The following GRAMD1B variants were observed in gnomAD, a reference collection of about 807,000 sequenced individuals.
The protein encoded by GRAMD1B is GRAM domain containing 1B, also known as protein Aster-B.
Under a neutral mutation model 99.7 loss-of-function variants are expected in GRAMD1B, and 37 were observed. That is an observed-to-expected ratio of 0.37 (90% confidence interval 0.29 to 0.49). GRAMD1B has a LOEUF of 0.49. GRAMD1B is among the 20% of genes least tolerant of loss of function. The pLI is 0.98. For missense variants in GRAMD1B, 888 were observed against 1,009.2 expected, an observed-to-expected ratio of 0.88 and a Z score of 1.63; for synonymous variants, 427 against 387.6, an observed-to-expected ratio of 1.10 and a Z score of -1.19.
chr11:123,459,107 A>G (rs987694525), intron 1 of GRAMD1B: 3 of 151,760 alleles, frequency 2.0e-5, no homozygotes, highest in Non-Finnish European at 2.9e-5. Context: ...ATGACAAAGA[A>G]CATGCACTGC....
intron 3 of GRAMD1B, among the ~76,000 whole-genome samples, chr11:123,577,985 C>T (rs1242805491): frequency 6.6e-6 from 1 of 152,074 alleles, no homozygotes; most frequent in Non-Finnish European, 1.5e-5. Context: ...TATTTTTAAC[C>T]TCCTCCCCGG....
At chr11:123,486,930 G>A (rs1937881076) in intron 2 of GRAMD1B, among the ~76,000 whole-genome samples, 1 of 152,014 alleles carries the variant, frequency 6.6e-6, no homozygotes, top group African/African-American at 2.4e-5. Flanking sequence ...TTAGCTGGGT[G>A]TGGTGGTGTG....
At chr11:123,598,487 A>G in intron 7 of GRAMD1B, 2 of 1,196,490 alleles carry the variant, frequency 1.7e-6, no homozygotes, top group East Asian at 2.3e-5. Context: ...GGGCTTCTAG[A>G]AAAGCAATGT....
rs377415119 is a variant in GRAMD1B at position 123,476,188 on chromosome 11, C to T, written c.375-4628C>T. ...CGATCTTGGCTCACTGCAACCTCCA[C>T]CTCCCAGGTTCAAGTGATTCTCCTG... is the stretch of plus-strand genomic sequence containing the variant. On this transcript the variant is annotated intron_variant, in intron 1 of 19. Coordinates refer to ENST00000635736, the MANE Select transcript of GRAMD1B (RefSeq NM_001387025.1). Among the ~76,000 whole-genome samples, 289 of 152,118 alleles carry T rather than the reference C, an allele frequency of 1.9e-3. 1 individual carries two copies. Among genetic ancestry groups the T allele is most frequent in the African/African-American group, 6.7e-3 (279 of 41,492 alleles).
chr11:123,544,609 T>TCCCTGG lies in GRAMD1B; in HGVS notation c.453-32758_453-32757insCCCTGG, dbSNP rs1410137421. On this transcript the variant is annotated intron_variant, in intron 2 of 19. Coordinates refer to ENST00000635736, the MANE Select transcript of GRAMD1B (RefSeq NM_001387025.1). The stretch of plus-strand genomic sequence containing the variant: ...GCTAACTCTCCCTGGGAGGAAAACT[T>TCCCTGG]GAGATGCACAGGAGGTCCTGGGTTC... Among the ~76,000 whole-genome samples, 5 of 152,142 alleles carry TCCCTGG rather than the reference T, an allele frequency of 3.3e-5. No individual in the cohort carries two copies. In the East Asian group the frequency reaches 9.7e-4, roughly 29 times the overall value.
chr11:123,425,234 G>T (rs1745931449), intron 1 of GRAMD1B, among the ~76,000 whole-genome samples: 1 of 152,202 alleles, frequency 6.6e-6, no homozygotes, highest in Admixed American at 6.5e-5. Flanking sequence ...TCAATCACTA[G>T]TCGGTAGTTA....
rs562495737 is a variant in GRAMD1B, at chr11:123,592,930, T to A, written c.685-1152T>A. On this transcript the variant is annotated intron_variant, in intron 4 of 19. Coordinates refer to ENST00000635736, the MANE Select transcript of GRAMD1B (RefSeq NM_001387025.1). ...TTTCTTTTTTATTTTATTTTTTAAA[T>A]TTAAGATTGTAAGCCCTCGGGTCGG... Among the ~76,000 whole-genome samples, 14 of 152,250 alleles carry A rather than the reference T, an allele frequency of 9.2e-5. No homozygotes were observed. In the East Asian group the frequency reaches 2.7e-3, roughly 29 times the overall value.
chr11:123,548,603 T>C (rs1041405718), intron 2 of GRAMD1B, among the ~76,000 whole-genome samples: 8 of 151,100 alleles, frequency 5.3e-5, no homozygotes, highest in Non-Finnish European at 1.2e-4. Flanking sequence ...TGAAAATTAA[T>C]TGAATGCTTG....
intron 1 of GRAMD1B, among the ~76,000 whole-genome samples, chr11:123,375,283 C>T (rs1017904492): frequency 5.3e-5 from 8 of 152,132 alleles, no homozygotes; most frequent in South Asian, 4.1e-4. Context: ...AATCAACCAG[C>T]GTGGTGGCTC....
At position 123,381,866 on chromosome 11, in the gene GRAMD1B, G is replaced by A. The variant is rs552030387; in HGVS notation, c.-176+23067G>A. Among the ~76,000 whole-genome samples the A allele has an allele frequency of 9.8e-5, 15 of 152,288 alleles. No individual in the cohort carries two copies. The East Asian group carries it at 2.9e-3, about 29-fold the overall frequency. On this transcript the variant is annotated intron_variant, in intron 1 of 20. Transcript: ENST00000638157. The stretch of plus-strand genomic sequence containing the variant: ...GCTCAGACAGCAAGAGTGAGGTGGC[G>A]ACTAGCCTGAAGTCAGCCAGCTAGG...
intron 1 of GRAMD1B, among the ~76,000 whole-genome samples, chr11:123,386,558 C>T (rs1231940756): frequency 6.6e-6 from 1 of 151,746 alleles, no homozygotes; most frequent in African/African-American, 2.4e-5. Context: ...CTGCCTTACC[C>T]TTCCAAGTAG....
At chr11:123,529,808 C>T (rs1158536761) in intron 2 of GRAMD1B, among the ~76,000 whole-genome samples, 1 of 152,128 alleles carries the variant, frequency 6.6e-6, no homozygotes, top group Non-Finnish European at 1.5e-5. Flanking sequence ...GCTGCTCCAC[C>T]TCCAGATGGT....
At chr11:123,406,701 A>G (rs1256691811) in intron 1 of GRAMD1B, among the ~76,000 whole-genome samples, 1 of 152,242 alleles carries the variant, frequency 6.6e-6, no homozygotes, top group Non-Finnish European at 1.5e-5. Flanking sequence ...AATGACAATG[A>G]AGACTTCCAG....
chr11:123,441,435 G>T (rs2134267749), intron 1 of GRAMD1B, among the ~76,000 whole-genome samples: 1 of 152,194 alleles, frequency 6.6e-6, no homozygotes, highest in South Asian at 2.1e-4. Flanking sequence ...GAGCCGAGGA[G>T]TTGGAGGCCA....
chr11:123,470,421 G>A (rs1259388950), intron 1 of GRAMD1B, among the ~76,000 whole-genome samples: 5 of 151,888 alleles, frequency 3.3e-5, no homozygotes, highest in African/African-American at 1.2e-4. Context: ...CAAGGCTCAA[G>A]TGATAACCCC....
rs1953817949 is a variant in GRAMD1B at position 123,613,097 on chromosome 11, A to G, written c.2023+233A>G. On this transcript the variant is annotated intron_variant, in intron 15 of 19. Coordinates refer to ENST00000635736, the MANE Select transcript of GRAMD1B (RefSeq NM_001387025.1). The stretch of plus-strand genomic sequence containing the variant: ...TGTTTAAGAGATCATTGAGGGATCT[A>G]TAAAACACCCCTCACCCCAAAAGGA... 1.9e-5 allele frequency: 11 copies of G among 566,092 alleles called. No homozygotes were observed. The Admixed American group carries it at 3.3e-4, about 17-fold the overall frequency. 35.1% of individuals were successfully genotyped at this position (566,092 alleles called of 1,614,324 possible).
chr11:123,531,495 G>A (rs2135549138), intron 2 of GRAMD1B, among the ~76,000 whole-genome samples: 1 of 152,312 alleles, frequency 6.6e-6, no homozygotes, highest in South Asian at 2.1e-4. Context: ...TTGCAGATCA[G>A]ATTATGAGTA....
chr11:123,432,256 G>A (rs558507915), intron 1 of GRAMD1B: 1 of 386,096 alleles, frequency 2.6e-6, no homozygotes, highest in African/African-American at 2.1e-5. Flanking sequence ...ATGAGGGGAG[G>A]CTTGTATAAG....
intron 1 of GRAMD1B, among the ~76,000 whole-genome samples, chr11:123,406,270 T>C (rs1947853560): frequency 6.6e-6 from 1 of 151,732 alleles, no homozygotes; most frequent in South Asian, 2.1e-4. Flanking sequence ...TTTTTTTTTT[T>C]TGAGACGGAG....
Sources: allele counts gnomAD v4.1 joint callset (sites outside exome capture counted in the v4.1 genomes callset), GRCh38; gene constraint gnomAD v4.1.1; transcripts MANE v1.5; gene names NCBI Gene and HGNC (gene_info 2026-07-23, HGNC 2026-07-21).